Variants in ELSPBP1 observed in about 807,000 individuals in gnomAD.
ELSPBP1 encodes the protein epididymal sperm binding protein 1.
ELSPBP1 carries 38 observed loss-of-function variants against 33.3 expected under a neutral mutation model. The ratio of observed to expected loss-of-function variants is 1.14; its 90% CI spans 0.88 to 1.50. The LOEUF is 1.50. Among genes scored for constraint, ELSPBP1 ranks in the 40% most tolerant of loss-of-function variants. The pLI is 0.00. For missense variants in ELSPBP1, 267 were observed against 263.5 expected, an observed-to-expected ratio of 1.01 and a Z score of -0.09; for synonymous variants, 85 against 94.1, an observed-to-expected ratio of 0.90 and a Z score of 0.56.
intron 1 of ELSPBP1, among the ~76,000 whole-genome samples, chr19:48,000,159 C>T (rs2122289986): frequency 6.6e-6 from 1 of 151,832 alleles, no homozygotes; most frequent in South Asian, 2.1e-4. Flanking sequence ...GAGCACTCAG[C>T]ATGTGCCAAG....
At chr19:48,007,133 G>A (rs10520416) in intron 1 of ELSPBP1, among the ~76,000 whole-genome samples, 11,948 of 152,090 alleles carry the variant, frequency 0.079, 796 homozygotes, top group African/African-American at 0.18. Flanking sequence ...TGCCACTAAC[G>A]ATCTACAAGT....
intron 6 of ELSPBP1, among the ~76,000 whole-genome samples, chr19:48,023,724 G>A (rs1329548876): frequency 6.6e-6 from 1 of 151,870 alleles, no homozygotes; most frequent in Non-Finnish European, 1.5e-5. Flanking sequence ...GGAAAAATGG[G>A]GTTTATTTCT....
chr19:48,024,587 G>A (rs908593967), intron 6 of ELSPBP1, among the ~76,000 whole-genome samples: 6 of 152,120 alleles, frequency 3.9e-5, no homozygotes, highest in African/African-American at 9.7e-5. Context: ...AAAGGAGGGG[G>A]TTTGGAACTC....
intron 6 of ELSPBP1, among the ~76,000 whole-genome samples, chr19:48,023,812 C>T (rs1023243013): frequency 3.3e-5 from 5 of 151,672 alleles, no homozygotes; most frequent in Admixed American, 2.6e-4. Context: ...AACTTTATCC[C>T]TCTTTTCTTT....
Position 48,006,305 on chromosome 19 carries a change from G to A in ELSPBP1, c.-17-2346G>A, listed in dbSNP as rs538200175. 9.9e-5 allele frequency among the ~76,000 whole-genome samples: 15 copies of A among 152,112 alleles called. No individual in the cohort carries two copies. In the South Asian group the frequency reaches 1.0e-3, roughly 11 times the overall value. ...GATTAGCATCCTCATGTTTTGACAC[G>A]ACGAAACTGAGGCTTAGAAAATTTA... On this transcript the variant is annotated intron_variant, in intron 1 of 6. Transcript: ENST00000339841.
chr19:48,023,255 G>T (rs1240121185), intron 6 of ELSPBP1, among the ~76,000 whole-genome samples: 1 of 132,262 alleles, frequency 7.6e-6, no homozygotes, highest in Non-Finnish European at 1.6e-5. Flanking sequence ...AAGAAAGGAG[G>T]TAGAGAGAGG....
intron 2 of ELSPBP1, among the ~76,000 whole-genome samples, chr19:48,013,792 T>G (rs754540175): frequency 6.6e-6 from 1 of 152,136 alleles, no homozygotes. Flanking sequence ...TATAAATTTC[T>G]GTCTCCCAGT....
At position 48,011,879 on chromosome 19, in the gene ELSPBP1, A is replaced by C. The variant is rs999885294; in HGVS notation, c.71-2292A>C. On this transcript the variant is annotated intron_variant, in intron 2 of 6. Coordinates refer to ENST00000339841, the MANE Select transcript of ELSPBP1 (RefSeq NM_022142.5). This position sits in a 1 kb window ranked among gnomAD's most constrained non-coding sequence, Gnocchi z 4.5. ...GCACTTTCCAGATTTAAACTGGTTT[A>C]AGTTTCACAAAAATAAATACCAAAC... 3.9e-5 allele frequency among the ~76,000 whole-genome samples: 6 copies of C among 151,974 alleles called. No homozygotes were observed. The highest frequency in any genetic ancestry group is 3.9e-4 in the Admixed American group (6 of 15,236).
intron 6 of ELSPBP1, among the ~76,000 whole-genome samples, chr19:48,023,402 AGTGAGGGAGGAGGGAGGGAGG>A (rs1967227341): frequency 1.3e-5 from 1 of 78,800 alleles, no homozygotes; most frequent in Non-Finnish European, 2.4e-5. Context: ...GGAGGGAGGA[AGTGAGGGAGGAGGGAGGGAGG>A]GAAGGAGGAA....
chr19:48,004,189 C>G (rs1966995054), intron 1 of ELSPBP1, among the ~76,000 whole-genome samples: 1 of 152,004 alleles, frequency 6.6e-6, no homozygotes, highest in Admixed American at 6.6e-5. Context: ...GATGATCTGC[C>G]CGCCTCGGCC....
chr19:48,019,428 G>A (rs751364790), intron 4 of ELSPBP1, among the ~76,000 whole-genome samples: 3 of 151,950 alleles, frequency 2.0e-5, no homozygotes, highest in African/African-American at 2.4e-5. Flanking sequence ...AGGGCTATTC[G>A]CAACTCTTAT....
At chr19:48,008,226 A>G (rs1967041762) in intron 1 of ELSPBP1, among the ~76,000 whole-genome samples, 3 of 151,742 alleles carry the variant, frequency 2.0e-5, no homozygotes, top group South Asian at 2.1e-4. Context: ...TGTGTGTGGT[A>G]TATGTGTGTG....
intron 1 of ELSPBP1, among the ~76,000 whole-genome samples, chr19:48,004,746 C>T (rs1369501929): frequency 1.3e-5 from 2 of 152,202 alleles, no homozygotes; most frequent in South Asian, 2.1e-4. Flanking sequence ...CTGGTTTCTT[C>T]GCTTCATATC....
intron 1 of ELSPBP1, among the ~76,000 whole-genome samples, chr19:48,000,000 T>C (rs1966950964): frequency 1.3e-5 from 2 of 151,662 alleles, no homozygotes; most frequent in Non-Finnish European, 2.9e-5. Flanking sequence ...TTTTTAATAT[T>C]TTGTAGAGAA....
At chr19:47,999,534 A>G (rs913721603) in intron 1 of ELSPBP1, among the ~76,000 whole-genome samples, 2 of 151,886 alleles carry the variant, frequency 1.3e-5, no homozygotes, top group African/African-American at 4.8e-5. Flanking sequence ...GATTACAGGC[A>G]TGTGTCACCA....
chr19:48,012,427 AT>A (rs1312964139), intron 2 of ELSPBP1, among the ~76,000 whole-genome samples: 3 of 152,058 alleles, frequency 2.0e-5, no homozygotes, highest in Admixed American at 6.6e-5. Context: ...CGAGAACAGC[AT>A]TTTTTGATAT....
chr19:47,999,182 T>G (rs542561744), intron 1 of ELSPBP1, among the ~76,000 whole-genome samples: 23 of 152,320 alleles, frequency 1.5e-4, no homozygotes, highest in African/African-American at 5.5e-4. Flanking sequence ...TACATTCCCC[T>G]GTTTATTATT....
intron 6 of ELSPBP1, among the ~76,000 whole-genome samples, chr19:48,023,190 G>A (rs111299315): frequency 2.8e-5 from 4 of 140,442 alleles, no homozygotes; most frequent in Non-Finnish European, 4.7e-5. Flanking sequence ...AAGAAAGAAC[G>A]GAGGGGAAAG....
At chr19:47,996,111 T>C (rs1260394866) in intron 1 of ELSPBP1, among the ~76,000 whole-genome samples, 1 of 152,170 alleles carries the variant, frequency 6.6e-6, no homozygotes, top group Non-Finnish European at 1.5e-5. Context: ...CATTTCCTTA[T>C]AGATGATAGG....
Sources: gnomAD v4.1 joint callset for allele counts (sites outside exome capture counted in the v4.1 genomes callset) on GRCh38, gnomAD v4.1.1 for gene constraint, Gnocchi (gnomAD v3.1) non-coding constraint, MANE v1.5 for transcripts, NCBI Gene and HGNC (gene_info 2026-07-23, HGNC 2026-07-21) for gene names.